Variants in SUPT3H observed in about 807,000 individuals in gnomAD.
SUPT3H encodes SPT3 homolog, SAGA and STAGA complex component, also known as transcription initiation protein SPT3 homolog.
A neutral mutation model predicts 44.3 loss-of-function variants in SUPT3H; 44 were observed. The ratio of observed to expected loss-of-function variants is 0.99; its 90% CI spans 0.78 to 1.28. SUPT3H has a LOEUF of 1.28. Ranked by LOEUF, SUPT3H falls within the 50% of genes most tolerant of loss-of-function variation. The pLI, the probability that SUPT3H is intolerant of heterozygous loss-of-function variation, is 0.00. For missense variants in SUPT3H, 380 were observed against 387.1 expected (o/e 0.98, Z 0.15); for synonymous variants, 124 against 125.6 (o/e 0.99, Z 0.09).
At chr6:45,207,353 T>C (rs780247742) in intron 2 of SUPT3H, among the ~76,000 whole-genome samples, 21 of 152,152 alleles carry the variant, frequency 1.4e-4, no homozygotes, top group Non-Finnish European at 2.4e-4. Context: ...AGAGCAGCTT[T>C]GGTGGAGTGA....
At position 44,906,014 on chromosome 6, in the gene SUPT3H, G is replaced by A. The variant is rs138295114; in HGVS notation, c.912+26639C>T. Among the ~76,000 whole-genome samples the A allele has an allele frequency of 2.9e-4, 44 of 152,170 alleles. 1 individual carries two copies. Among genetic ancestry groups the A allele is most frequent in the African/African-American group, 7.7e-4 (32 of 41,522 alleles). On this transcript the variant is annotated intron_variant, in intron 10 of 10. Coordinates refer to ENST00000371459, the MANE Select transcript of SUPT3H (RefSeq NM_003599.4). Reference sequence around the variant, plus strand: ...CACAGGAAGGGGAACATCACACACCGGGGCCTGTTGTGCGGTGGGGGGATG... The same window carrying A: ...CACAGGAAGGGGAACATCACACACCAGGGCCTGTTGTGCGGTGGGGGGATG...
intron 2 of SUPT3H, among the ~76,000 whole-genome samples, chr6:45,169,504 G>A (rs1810434672): frequency 6.6e-6 from 1 of 152,024 alleles, no homozygotes; most frequent in South Asian, 2.1e-4. Flanking sequence ...CATTTATTAT[G>A]TTTATTGTAA....
At chr6:45,168,041 C>T (rs1810184756) in intron 2 of SUPT3H, among the ~76,000 whole-genome samples, 1 of 152,048 alleles carries the variant, frequency 6.6e-6, no homozygotes, top group Non-Finnish European at 1.5e-5. Context: ...GAACTTCCGA[C>T]CTCAGGTGAT....
chr6:44,904,069 A>G lies in SUPT3H; in HGVS notation c.912+28584T>C, dbSNP rs1168867936. ...GCTATCTATGACAAACCCATAGCCA[A>G]TATCATACAGAATGGGCAAAAACCG... On this transcript the variant is annotated intron_variant, in intron 10 of 10. Coordinates refer to ENST00000371459, the MANE Select transcript of SUPT3H (RefSeq NM_003599.4). Among the ~76,000 whole-genome samples the G allele has an allele frequency of 2.6e-4, 40 of 152,218 alleles. 1 individual carries two copies. Among genetic ancestry groups the G allele is most frequent in the Non-Finnish European group, 5.9e-5 (4 of 68,040 alleles).
chr6:44,998,268 A>G (rs550437949), intron 6 of SUPT3H, among the ~76,000 whole-genome samples: 198 of 151,984 alleles, frequency 1.3e-3, no homozygotes, highest in African/African-American at 4.5e-3. Context: ...TGAGCATACA[A>G]CTGTTTAAAA....
intron 2 of SUPT3H, among the ~76,000 whole-genome samples, chr6:45,150,182 C>T (rs1489686132): frequency 2.0e-5 from 3 of 151,842 alleles, no homozygotes; most frequent in Admixed American, 6.6e-5. Context: ...ATCAAAAGAA[C>T]CAATTAGGAT....
intron 3 of SUPT3H, among the ~76,000 whole-genome samples, chr6:45,070,881 A>C (rs1447844612): frequency 6.6e-6 from 1 of 152,154 alleles, no homozygotes; most frequent in Non-Finnish European, 1.5e-5. Context: ...AATCACCATT[A>C]AGTTCACAGG....
intron 2 of SUPT3H, among the ~76,000 whole-genome samples, chr6:45,182,129 AGAAGG>A: frequency 6.6e-6 from 1 of 152,194 alleles, no homozygotes; most frequent in Non-Finnish European, 1.5e-5. Context: ...TATTCATAAT[AGAAGG>A]AGCTGATGCC....
At chr6:44,935,636 T>A (rs981794954) in intron 9 of SUPT3H, among the ~76,000 whole-genome samples, 1 of 152,182 alleles carries the variant, frequency 6.6e-6, no homozygotes, top group African/African-American at 2.4e-5. Flanking sequence ...GCATTCACAC[T>A]CTATTCTTGT....
chr6:45,088,970 A>C (rs942106563), intron 3 of SUPT3H, among the ~76,000 whole-genome samples: 3 of 152,084 alleles, frequency 2.0e-5, no homozygotes, highest in Non-Finnish European at 2.9e-5. Flanking sequence ...TGTAAATTTG[A>C]TATCTTTCTT....
At chr6:44,947,563 T>C (rs1773557192) in intron 9 of SUPT3H, among the ~76,000 whole-genome samples, 1 of 152,204 alleles carries the variant, frequency 6.6e-6, no homozygotes, top group Admixed American at 6.5e-5. Context: ...TTTTTTCTTT[T>C]TCTTTCTTTG....
At chr6:45,253,275 C>T (rs1376659616) in intron 2 of SUPT3H, among the ~76,000 whole-genome samples, 2 of 152,038 alleles carry the variant, frequency 1.3e-5, no homozygotes, top group Admixed American at 6.5e-5. Context: ...TAAAGAATAG[C>T]AGATAATTTA....
intron 3 of SUPT3H, among the ~76,000 whole-genome samples, chr6:45,026,218 C>G: frequency 6.6e-6 from 1 of 152,054 alleles, no homozygotes; most frequent in Non-Finnish European, 1.5e-5. Flanking sequence ...TATTTGCTAG[C>G]CAGAGATAAC....
chr6:45,036,467 T>C (rs1376389742), intron 3 of SUPT3H, among the ~76,000 whole-genome samples: 1 of 151,970 alleles, frequency 6.6e-6, no homozygotes, highest in East Asian at 1.9e-4. Context: ...TCTAGACATA[T>C]CATTGTGAAA....
intron 7 of SUPT3H, among the ~76,000 whole-genome samples, chr6:44,956,520 CTA>C (rs1450763334): frequency 1.5e-5 from 2 of 132,506 alleles, no homozygotes; most frequent in African/African-American, 5.6e-5. Flanking sequence ...AAAAAAGTGT[CTA>C]TTACCAGAAT....
chr6:44,921,325 A>G (rs1003038332), intron 10 of SUPT3H, among the ~76,000 whole-genome samples: 9 of 152,202 alleles, frequency 5.9e-5, no homozygotes, highest in African/African-American at 1.7e-4. Context: ...TCAGGAAGGC[A>G]TGTACTTTGG....
At chr6:45,277,253 T>C (rs1200507223) in intron 2 of SUPT3H, among the ~76,000 whole-genome samples, 3 of 152,220 alleles carry the variant, frequency 2.0e-5, no homozygotes, top group African/African-American at 4.8e-5. Context: ...CCAAATTATA[T>C]ATAGCTATTT....
chr6:45,056,996 A>T (rs1025452221), intron 3 of SUPT3H, among the ~76,000 whole-genome samples: 1 of 152,166 alleles, frequency 6.6e-6, no homozygotes, highest in Non-Finnish European at 1.5e-5. Context: ...TAGGAGACAA[A>T]GGCTTTAAAT....
intron 2 of SUPT3H, among the ~76,000 whole-genome samples, chr6:45,108,289 A>C (rs1426356722): frequency 1.3e-5 from 2 of 152,228 alleles, no homozygotes; most frequent in Non-Finnish European, 2.9e-5. Flanking sequence ...CAGCCTGGGC[A>C]ACACAGTGAA....
Sources: gnomAD v4.1 joint callset for allele counts (sites outside exome capture counted in the v4.1 genomes callset) on GRCh38, gnomAD v4.1.1 for gene constraint, MANE v1.5 for transcripts, NCBI Gene and HGNC (gene_info 2026-07-23, HGNC 2026-07-21) for gene names.